The following CFAP54 variants were observed in gnomAD, a reference collection of about 807,000 sequenced individuals.
CFAP54 encodes the protein cilia and flagella associated protein 54.
CFAP54 carries 290 observed loss-of-function variants against 370.4 expected under a neutral mutation model. The observed-to-expected ratio is 0.78, with a 90% CI of 0.71 to 0.86. The LOEUF (loss-of-function observed/expected upper bound fraction) is 0.86, where lower values mean the gene tolerates loss of function less well. CFAP54 is among the 40% of genes least tolerant of loss of function. The pLI, the probability that CFAP54 is intolerant of heterozygous loss-of-function variation, is 0.00. For synonymous variants in CFAP54, 1,206 were observed against 1,236.5 expected (o/e 0.98, Z 0.52); for missense variants, 3,399 against 3,528.7 (o/e 0.96, Z 0.93).
In CFAP54 at chr12:96,720,544, A is replaced by G; in HGVS notation, c.6944A>G (p.Gln2315Arg). 1 of 1,567,950 alleles carries G rather than the reference A, an allele frequency of 6.4e-7. No individual in the cohort carries two copies. Among genetic ancestry groups the G allele is most frequent in the East Asian group, 2.3e-5 (1 of 42,670 alleles). ...CTTCAGCTGGCTGCAGTTGCTCTGC[A>G]GAGGCACCGGGCGGCATACAGGTGC... ...ARLQLAAVAL[Q>R]RHRAAYSAAI... Residue 2315 changes from glutamine (Q) to arginine (R), a missense_variant, in exon 50 of 68, where the codon CAG becomes CGG. Gln to Arg is a conservative substitution (Grantham distance 43, BLOSUM62 1). Coordinates refer to ENST00000524981, the MANE Select transcript of CFAP54 (RefSeq NM_001306084.2).
chr12:96,787,029 T>C, intron 62 of CFAP54, 131 bp downstream of exon 62: 1 of 712,092 alleles, frequency 1.4e-6, no homozygotes, highest in Non-Finnish European at 2.3e-6. Context: ...GGAAGGCTCA[T>C]TCCTGTGTTA....
intron 47 of CFAP54, among the ~76,000 whole-genome samples, chr12:96,707,438 AGAGGGTTAAGAC>A (rs2136589313): frequency 6.6e-6 from 1 of 152,308 alleles, no homozygotes; most frequent in Non-Finnish European, 1.5e-5. Context: ...GGATTTGACC[AGAGGGTTAAGAC>A]GTAGGGATGG....
intron 15 of CFAP54, among the ~76,000 whole-genome samples, chr12:96,553,816 CT>C (rs1424726153): frequency 1.3e-5 from 2 of 151,742 alleles, no homozygotes; most frequent in Non-Finnish European, 2.9e-5. Context: ...TTTAAAAAAT[CT>C]TTTTCAAATT....
intron 47 of CFAP54, among the ~76,000 whole-genome samples, chr12:96,707,181 G>A (rs138978608): frequency 1.3e-3 from 193 of 152,216 alleles, no homozygotes; most frequent in African/African-American, 4.2e-3. Flanking sequence ...AGGAGAAAGC[G>A]TGTTTGGAAA....
chr12:96,798,570 T>C (rs1958789490), intron 63 of CFAP54, among the ~76,000 whole-genome samples: 1 of 152,122 alleles, frequency 6.6e-6, no homozygotes, highest in Admixed American at 6.6e-5. Context: ...CTTTTTATTT[T>C]AGTGGGTAAG....
At chr12:96,689,133 G>A (rs1027693407) in intron 43 of CFAP54, 151 bp downstream of exon 43, 5 of 506,592 alleles carry the variant, frequency 9.9e-6, no homozygotes, top group African/African-American at 8.1e-5. Flanking sequence ...CTTGCTGGCT[G>A]AACCCCTGTG....
chr12:96,707,160 T>C (rs1251351205), intron 47 of CFAP54, among the ~76,000 whole-genome samples: 3 of 152,082 alleles, frequency 2.0e-5, no homozygotes, highest in Admixed American at 2.0e-4. Context: ...TGTGGTGGCC[T>C]GAAAGCCAAG....
chr12:96,706,392 C>G (rs1186911290), intron 47 of CFAP54, among the ~76,000 whole-genome samples: 1 of 151,868 alleles, frequency 6.6e-6, no homozygotes, highest in Admixed American at 6.6e-5. Flanking sequence ...GCTAAAGGTG[C>G]AAGTCATATG....
At chr12:96,650,380 C>T (rs1347025893) in intron 35 of CFAP54, among the ~76,000 whole-genome samples, 2 of 152,002 alleles carry the variant, frequency 1.3e-5, no homozygotes, top group Admixed American at 6.6e-5. Flanking sequence ...CACCTCTCTG[C>T]CGAGACATGG....
chr12:96,626,800 C>T lies in CFAP54; in HGVS notation c.3977-13C>T, dbSNP rs1956553594. The T allele has an allele frequency of 3.1e-6, 4 of 1,303,950 alleles. No homozygotes were observed. The highest frequency in any genetic ancestry group is 4.0e-6 in the Non-Finnish European group (4 of 992,996). The allele number at this position is 1,303,950 out of a possible 1,614,324, so 80.8% of individuals were successfully genotyped here. On this transcript the variant is annotated splice_polypyrimidine_tract_variant and intron_variant, in intron 29 of 67. Transcript: ENST00000524981. ...ATATTGTTAACTATATATGAACTTC[C>T]TTGTTATTACAGTTATGAAATTTAA...
chr12:96,569,784 G>A (rs1451917756), intron 19 of CFAP54, among the ~76,000 whole-genome samples: 1 of 152,126 alleles, frequency 6.6e-6, no homozygotes, highest in African/African-American at 2.4e-5. Flanking sequence ...AGGGGTATTA[G>A]CAGTTCTAAT....
chr12:96,552,246 C>CAAAAAAAAAAAAAAAAAAAAAAATAA (rs374756712), intron 15 of CFAP54, among the ~76,000 whole-genome samples: 1 of 40,988 alleles, frequency 2.4e-5, no homozygotes, highest in African/African-American at 7.6e-5. Flanking sequence ...AACTACATCT[C>CAAAAAAAAAAAAAAAAAAAAAAATAA]AAAAAAAAAA....
At chr12:96,835,721 G>A (rs981931220) in intron 66 of CFAP54, among the ~76,000 whole-genome samples, 2 of 152,168 alleles carry the variant, frequency 1.3e-5, no homozygotes, top group South Asian at 4.1e-4. Flanking sequence ...GTAGGGTGGA[G>A]GTTGGAGTGG....
intron 66 of CFAP54, among the ~76,000 whole-genome samples, chr12:96,859,346 G>A (rs1451525933): frequency 6.6e-6 from 1 of 152,130 alleles, no homozygotes; most frequent in African/African-American, 2.4e-5. Context: ...GGTAAGTGGT[G>A]AGGTCTGAAT....
chr12:96,491,154 T>C (rs1403949640), intron 1 of CFAP54, among the ~76,000 whole-genome samples: 1 of 151,860 alleles, frequency 6.6e-6, no homozygotes, highest in Non-Finnish European at 1.5e-5. Flanking sequence ...CAATTTTAAA[T>C]GGGGTGGTGA....
chr12:96,613,401 C>T (rs576719905), intron 26 of CFAP54, among the ~76,000 whole-genome samples: 8 of 152,232 alleles, frequency 5.3e-5, no homozygotes, highest in Admixed American at 3.3e-4. Context: ...GCACTAAATG[C>T]GCACAAGAGA....
chr12:96,818,231 A>G (rs993109006), intron 65 of CFAP54, among the ~76,000 whole-genome samples: 1 of 152,232 alleles, frequency 6.6e-6, no homozygotes, highest in Non-Finnish European at 1.5e-5. Flanking sequence ...TTCACTCTAA[A>G]TCTATTATTT....
In CFAP54 at chr12:96,743,480, A is replaced by C. The variant is rs1457266230; in HGVS notation, c.7298A>C (p.Gln2433Pro). The change falls in exon 53 of 68, where the codon CAG becomes CCG. Residue 2433 changes from glutamine to proline, a missense_variant. By Grantham distance (76) the Gln-to-Pro change is moderately conservative. Around this residue, in one of 3 missense-constraint regions of CFAP54, gnomAD observed 2,796 missense variants for 2,869.7 expected, o/e 0.97. Coordinates refer to ENST00000524981, the MANE Select transcript of CFAP54 (RefSeq NM_001306084.2). The stretch of plus-strand genomic sequence containing the variant: ...AAAAGCGCAGGGGACACGGAACTGC[A>C]GGCTGAATTCTTGACGCAAGCTGTA... ...EAKSAGDTEL[Q>P]AEFLTQAVIL... 2 of 1,614,026 alleles carry C rather than the reference A, an allele frequency of 1.2e-6. No homozygotes were observed. Among genetic ancestry groups the C allele is most frequent in the Non-Finnish European group, 1.7e-6 (2 of 1,179,996 alleles).
chr12:96,831,218 C>A (rs1959170132), intron 66 of CFAP54, among the ~76,000 whole-genome samples: 1 of 152,062 alleles, frequency 6.6e-6, no homozygotes, highest in African/African-American at 2.4e-5. Flanking sequence ...TGTGAACCAG[C>A]AACAAAGATT....
Sources: allele counts gnomAD v4.1 joint callset (sites outside exome capture counted in the v4.1 genomes callset), GRCh38; gene constraint gnomAD v4.1.1; regional missense constraint gnomAD v4.1.1; transcripts MANE v1.5; gene names NCBI Gene and HGNC (gene_info 2026-07-23, HGNC 2026-07-21).